Variants in NLN observed in about 807,000 individuals in gnomAD.
NLN encodes neurolysin, mitochondrial.
A neutral mutation model predicts 79.9 loss-of-function variants in NLN; 64 were observed. The observed-to-expected ratio is 0.80, with a 90% confidence interval of 0.65 to 0.99. The LOEUF (loss-of-function observed/expected upper bound fraction) is 0.99. Ranked by LOEUF, NLN falls within the 50% of genes least tolerant of loss-of-function variation. NLN has a pLI of 0.00. For missense variants in NLN, 835 were observed against 858.7 expected (o/e 0.97, Z 0.34); for synonymous variants, 267 against 296.6 (o/e 0.90, Z 1.02).
At position 65,823,744 on chromosome 5, in the gene NLN, A is replaced by G. The variant is rs1221318790; in HGVS notation, c.*829A>G. On this transcript the variant is annotated 3_prime_UTR_variant, in exon 13 of 13. Coordinates refer to ENST00000380985, the MANE Select transcript of NLN (RefSeq NM_020726.5). ...CACATTTTTCTCTTCTCACGTTTCT[A>G]ATAAGTGTTAGGGACTTTGCCTCTT... 5 of 152,094 alleles carry G rather than the reference A, an allele frequency of 3.3e-5. No individual in the cohort carries two copies. Among genetic ancestry groups the G allele is most frequent in the African/African-American group, 1.2e-4 (5 of 41,398 alleles). The allele number at this position is 152,094 out of a possible 1,614,324, so 9.4% of individuals were successfully genotyped here.
chr5:65,819,720 C>G (rs181092699), intron 12 of NLN, among the ~76,000 whole-genome samples: 18 of 152,198 alleles, frequency 1.2e-4, no homozygotes, highest in Non-Finnish European at 2.1e-4. Flanking sequence ...TCTTTATAAA[C>G]AAAGTATTAA....
At chr5:65,728,282 A>G (rs965890192) in intron 1 of NLN, among the ~76,000 whole-genome samples, 18 of 152,134 alleles carry the variant, frequency 1.2e-4, no homozygotes, top group Non-Finnish European at 2.5e-4. Context: ...TTTTAATATT[A>G]TACAAACATC....
intron 3 of NLN, among the ~76,000 whole-genome samples, chr5:65,775,053 C>G (rs1410698743): frequency 6.6e-6 from 1 of 152,114 alleles, no homozygotes; most frequent in Admixed American, 6.6e-5. Flanking sequence ...AGACCTAATT[C>G]CGGGCTGATT....
intron 1 of NLN, among the ~76,000 whole-genome samples, chr5:65,724,884 CG>C (rs1758427954): frequency 6.6e-6 from 1 of 150,876 alleles, no homozygotes; most frequent in Admixed American, 6.6e-5. Context: ...TCACTGCAAG[CG>C]CCGCCTCCCG....
chr5:65,775,376 CT>C (rs1561196404), intron 3 of NLN, among the ~76,000 whole-genome samples: 1 of 152,208 alleles, frequency 6.6e-6, no homozygotes, highest in Non-Finnish European at 1.5e-5. Flanking sequence ...GGCTGTCCCC[CT>C]GTAGCCTTAG....
At chr5:65,778,787 C>A (rs1053783657) in intron 4 of NLN, among the ~76,000 whole-genome samples, 14 of 152,218 alleles carry the variant, frequency 9.2e-5, no homozygotes, top group Middle Eastern at 6.8e-3. Flanking sequence ...TCCTTTCATT[C>A]CTAAAATGGC....
chr5:65,818,113 T>C (rs987004392), intron 12 of NLN, among the ~76,000 whole-genome samples: 2 of 152,208 alleles, frequency 1.3e-5, no homozygotes, highest in African/African-American at 4.8e-5. Flanking sequence ...AGGCCAGGCC[T>C]TCTAAATCTT....
At chr5:65,742,228 A>T (rs9291847) in intron 1 of NLN, among the ~76,000 whole-genome samples, 382 of 151,752 alleles carry the variant, frequency 2.5e-3, no homozygotes, top group Middle Eastern at 6.8e-3. Flanking sequence ...AAAATGGATC[A>T]TAAACATTTT....
chr5:65,817,046 G>A (rs1457785737), intron 12 of NLN, among the ~76,000 whole-genome samples: 2 of 152,068 alleles, frequency 1.3e-5, no homozygotes, highest in African/African-American at 4.8e-5. Context: ...GGTCTGCTCT[G>A]GGGACCATTT....
intron 1 of NLN, among the ~76,000 whole-genome samples, chr5:65,753,616 C>A (rs888671644): frequency 4.0e-5 from 6 of 150,364 alleles, no homozygotes; most frequent in Non-Finnish European, 8.8e-5. Flanking sequence ...TGCCACTATA[C>A]TCCAACCTAG....
At chr5:65,727,406 A>G (rs1439908031) in intron 1 of NLN, among the ~76,000 whole-genome samples, 1 of 152,164 alleles carries the variant, frequency 6.6e-6, no homozygotes, top group Non-Finnish European at 1.5e-5. Flanking sequence ...CTGGCCACAA[A>G]TGATCCTCCC....
At position 65,825,072 on chromosome 5, in the gene NLN, G is replaced by T. The variant is rs948911630; in HGVS notation, c.*2157G>T. On this transcript the variant is annotated 3_prime_UTR_variant, in exon 13 of 13. Coordinates refer to ENST00000380985, the MANE Select transcript of NLN (RefSeq NM_020726.5). Reference sequence around the variant, plus strand: ...GCTGAGATCATGCCATTGCACTCCAGCCTGGACGACAGAGTGAGATTCAGT... The same window carrying T: ...GCTGAGATCATGCCATTGCACTCCATCCTGGACGACAGAGTGAGATTCAGT... 6.6e-6 allele frequency: 1 copy of T among 152,266 alleles called. No homozygotes were observed. Among genetic ancestry groups the T allele is most frequent in the African/African-American group, 2.4e-5 (1 of 41,434 alleles). The allele number at this position is 152,266 out of a possible 1,614,324, so 9.4% of individuals were successfully genotyped here.
intron 1 of NLN, among the ~76,000 whole-genome samples, chr5:65,741,585 CTGAG>C (rs1006057367): frequency 1.3e-5 from 2 of 152,190 alleles, no homozygotes; most frequent in East Asian, 3.9e-4. Flanking sequence ...AGTCTCTCTC[CTGAG>C]TAATTTACTA....
intron 1 of NLN, among the ~76,000 whole-genome samples, chr5:65,731,786 T>C (rs1182677255): frequency 7.1e-6 from 1 of 139,984 alleles, no homozygotes; most frequent in African/African-American, 2.7e-5. Flanking sequence ...AGTCTAGCTC[T>C]GTCACCCAGG....
rs901915243 is a variant in NLN at position 65,736,217 on chromosome 5, C to T, written c.41+13803C>T. Among the ~76,000 whole-genome samples the T allele has an allele frequency of 3.5e-4, 53 of 152,258 alleles. 1 individual carries two copies. The highest frequency in any genetic ancestry group is 1.3e-3 in the African/African-American group (53 of 41,552). The stretch of plus-strand genomic sequence containing the variant: ...AACAAATGTATATTTCCCTAAACAA[C>T]ATATGATTTAGTTTTGCATAATGAA... On this transcript the variant is annotated intron_variant, in intron 1 of 12. Coordinates refer to ENST00000380985, the MANE Select transcript of NLN (RefSeq NM_020726.5).
At chr5:65,815,742 A>T (rs1380107823) in intron 12 of NLN, among the ~76,000 whole-genome samples, 1 of 152,032 alleles carries the variant, frequency 6.6e-6, no homozygotes, top group Non-Finnish European at 1.5e-5. Context: ...ACAATATACT[A>T]TTTGGGGTTT....
chr5:65,795,741 T>G lies in NLN; in HGVS notation c.1527+3086T>G, dbSNP rs576367544. On this transcript the variant is annotated intron_variant, in intron 9 of 12. Transcript: ENST00000380985. ...CATAGCACTAGGATTCCTGAAATAT[T>G]TATCGTGTGGACCTTCTATCAATGT... Among the ~76,000 whole-genome samples the G allele has an allele frequency of 3.9e-5, 6 of 152,272 alleles. No individual in the cohort carries two copies. The South Asian group carries it at 1.2e-3, about 32-fold the overall frequency.
chr5:65,738,022 G>A (rs1758765477), intron 1 of NLN, among the ~76,000 whole-genome samples: 1 of 151,948 alleles, frequency 6.6e-6, no homozygotes, highest in African/African-American at 2.4e-5. Flanking sequence ...CAGCTACTTG[G>A]GAAGCTGAGG....
intron 11 of NLN, among the ~76,000 whole-genome samples, chr5:65,810,992 G>T (rs1554034655): frequency 6.6e-6 from 1 of 152,012 alleles, no homozygotes. Flanking sequence ...AAAAATAAAG[G>T]GTATTTGGGG....
Sources: allele counts gnomAD v4.1 joint callset (sites outside exome capture counted in the v4.1 genomes callset), GRCh38; gene constraint gnomAD v4.1.1; transcripts MANE v1.5; gene names NCBI Gene and HGNC (gene_info 2026-07-23, HGNC 2026-07-21).